Variants in APLF observed in about 807,000 individuals in gnomAD.
APLF encodes aprataxin and PNK-like factor.
APLF carries 61 observed loss-of-function variants against 55.6 expected under a neutral mutation model. The ratio of observed to expected loss-of-function variants is 1.10; its 90% CI spans 0.89 to 1.36. The LOEUF is 1.36. Ranked by LOEUF, APLF falls within the 40% of genes most tolerant of loss-of-function variation. The probability of loss-of-function intolerance (pLI) is 0.00; values close to 1 mark genes in which losing one functional copy is unlikely to be tolerated. For missense variants in APLF, 611 were observed against 602.5 expected (o/e 1.01, Z -0.15); for synonymous variants, 207 against 214.8 (o/e 0.96, Z 0.32).
chr2:68,484,959 T>C (rs1217143150), intron 1 of APLF, among the ~76,000 whole-genome samples: 3 of 148,738 alleles, frequency 2.0e-5, no homozygotes, highest in African/African-American at 7.9e-5. Context: ...TCTTCTGTAA[T>C]ATGCCTGTGT....
intron 1 of APLF, among the ~76,000 whole-genome samples, chr2:68,468,828 C>T (rs1675518361): frequency 6.6e-6 from 1 of 152,172 alleles, no homozygotes; most frequent in South Asian, 2.1e-4. Context: ...GGGGAGACAC[C>T]TGTGTCAGTG....
intron 3 of APLF, among the ~76,000 whole-genome samples, chr2:68,503,627 G>C (rs1676789468): frequency 6.6e-6 from 1 of 152,114 alleles, no homozygotes; most frequent in African/African-American, 2.4e-5. Flanking sequence ...GGGTCAAAGA[G>C]AAGTCATAGG....
chr2:68,501,059 T>C (rs1054217193), intron 2 of APLF, among the ~76,000 whole-genome samples: 4 of 152,254 alleles, frequency 2.6e-5, no homozygotes, highest in African/African-American at 9.6e-5. Context: ...TCCATTCTTA[T>C]GCAATCTTGT....
chr2:68,542,898 G>A (rs1670596084), intron 7 of APLF, among the ~76,000 whole-genome samples: 2 of 152,144 alleles, frequency 1.3e-5, no homozygotes, highest in Non-Finnish European at 2.9e-5. Context: ...GAACCCACAT[G>A]TCCATCAATT....
rs1427122862 is a variant in APLF, at chr2:68,502,823, C to G, written c.261C>G (p.Asp87Glu). The change falls in exon 3 of 10, where the codon GAC becomes GAG. Residue 87 changes from aspartate (D) to glutamate (E), a missense_variant. Coordinates refer to ENST00000303795, the MANE Select transcript of APLF (RefSeq NM_173545.3). Reference sequence around the variant, plus strand: ...TATGGTGCTATTTGAATCCTGGAGACAGCTTTTCTTTGTTAGTTGACAAAT... The same window carrying G: ...TATGGTGCTATTTGAATCCTGGAGAGAGCTTTTCTTTGTTAGTTGACAAAT... Reference protein sequence around the residue: ...PNLWCYLNPGDSFSLLVDKYI... With the variant: ...PNLWCYLNPGESFSLLVDKYI... 6.2e-7 allele frequency: 1 copy of G among 1,607,470 alleles called. No individual in the cohort carries two copies. Among genetic ancestry groups the G allele is most frequent in the Non-Finnish European group, 8.5e-7 (1 of 1,177,770 alleles).
chr2:68,488,528 G>A (rs1219858792), intron 1 of APLF, among the ~76,000 whole-genome samples: 1 of 151,682 alleles, frequency 6.6e-6, no homozygotes, highest in Admixed American at 6.6e-5. Context: ...AGAGATGGGG[G>A]TCTCACTGTG....
chr2:68,528,805 G>T, intron 6 of APLF: 1 of 1,485,742 alleles, frequency 6.7e-7, no homozygotes, highest in Non-Finnish European at 9.1e-7. Flanking sequence ...TGTCAGTCTG[G>T]TTGTTTTCTG....
chr2:68,526,940 T>C (rs1670076459), intron 6 of APLF, among the ~76,000 whole-genome samples: 1 of 152,202 alleles, frequency 6.6e-6, no homozygotes, highest in East Asian at 1.9e-4. Context: ...AAGTAAACTT[T>C]AATGTCGAAA....
chr2:68,522,893 G>A lies in APLF; in HGVS notation c.623-3168G>A, dbSNP rs11885099. 4.5e-3 allele frequency among the ~76,000 whole-genome samples: 679 copies of A among 151,862 alleles called. 6 individuals are homozygous for A. Among genetic ancestry groups the A allele is most frequent in the African/African-American group, 0.015 (643 of 41,484 alleles). ...GTCTTAATATAAAAATTAAAACAAG[G>A]CATTTGAAGAAAGTATGGGAAAAAT... On this transcript the variant is annotated intron_variant, in intron 5 of 9. Transcript: ENST00000303795.
intron 1 of APLF, among the ~76,000 whole-genome samples, chr2:68,468,735 A>G (rs1200169734): frequency 6.6e-6 from 1 of 151,958 alleles, no homozygotes; most frequent in Non-Finnish European, 1.5e-5. Context: ...TGTGTAGAAC[A>G]TTTTGCAGAT....
At chr2:68,496,519 A>G (rs886372372) in intron 2 of APLF, among the ~76,000 whole-genome samples, 3 of 152,094 alleles carry the variant, frequency 2.0e-5, no homozygotes, top group Non-Finnish European at 4.4e-5. Context: ...TAGGCTACAA[A>G]TTTATCAAGC....
intron 2 of APLF, among the ~76,000 whole-genome samples, chr2:68,496,366 A>G (rs1035291774): frequency 6.6e-6 from 1 of 152,112 alleles, no homozygotes; most frequent in Admixed American, 6.5e-5. Flanking sequence ...CAGCCTCCCA[A>G]AGTACTGGGA....
At chr2:68,568,425 C>T in intron 9 of APLF, 2 of 508,198 alleles carry the variant, frequency 3.9e-6, no homozygotes, top group Non-Finnish European at 5.1e-6. Context: ...CACTTTAGTG[C>T]TTTAGTACTC....
At chr2:68,564,494 T>TA (rs140840521) in intron 8 of APLF, among the ~76,000 whole-genome samples, 1 of 152,216 alleles carries the variant, frequency 6.6e-6, no homozygotes, top group East Asian at 1.9e-4. Flanking sequence ...GCCTGGCATG[T>TA]AATAAGTATT....
intron 9 of APLF, among the ~76,000 whole-genome samples, chr2:68,573,338 A>T (rs1671535195): frequency 6.6e-6 from 1 of 152,154 alleles, no homozygotes; most frequent in Non-Finnish European, 1.5e-5. Flanking sequence ...CTGGAGTTAG[A>T]AATATCTTTG....
intron 1 of APLF, among the ~76,000 whole-genome samples, chr2:68,470,485 C>T (rs1229535437): frequency 6.6e-6 from 1 of 152,082 alleles, no homozygotes; most frequent in Non-Finnish European, 1.5e-5. Context: ...ATAAATGGTA[C>T]AAGAGATATT....
At position 68,513,655 on chromosome 2, in the gene APLF, C is replaced by G; in HGVS notation, c.597C>G (p.Asn199Lys). Residue 199 changes from asparagine to lysine, a missense_variant, in exon 5 of 10, where the codon AAC (asparagine) becomes AAG (lysine). Physicochemically the swap from Asn to Lys is moderately conservative, Grantham distance 94. Transcript: ENST00000303795. ...WMLAEHLSDQNLSVPAISGGN... is the reference protein window; with the variant it reads ...WMLAEHLSDQKLSVPAISGGN... Reference sequence around the variant, plus strand: ...TAGCAGAACATTTAAGTGATCAAAACCTTTCAGTACCAGCAATCAGTGGAG... The same window carrying G: ...TAGCAGAACATTTAAGTGATCAAAAGCTTTCAGTACCAGCAATCAGTGGAG... 2 of 1,611,136 alleles carry G rather than the reference C, an allele frequency of 1.2e-6. No homozygotes were observed. The highest frequency in any genetic ancestry group is 1.7e-6 in the Non-Finnish European group (2 of 1,178,068).
At chr2:68,479,762 A>G (rs1573150667) in intron 1 of APLF, among the ~76,000 whole-genome samples, 1 of 152,190 alleles carries the variant, frequency 6.6e-6, no homozygotes, top group Admixed American at 6.5e-5. Context: ...ATGTATTTTC[A>G]TAAAGTTACA....
intron 6 of APLF, among the ~76,000 whole-genome samples, chr2:68,533,793 G>A (rs1670320985): frequency 6.6e-6 from 1 of 152,182 alleles, no homozygotes; most frequent in Admixed American, 6.5e-5. Flanking sequence ...ATCTTTTAAG[G>A]CCTAGAACTG....
Sources: gnomAD v4.1 joint callset for allele counts (sites outside exome capture counted in the v4.1 genomes callset) on GRCh38, gnomAD v4.1.1 for gene constraint, MANE v1.5 for transcripts, NCBI Gene and HGNC (gene_info 2026-07-23, HGNC 2026-07-21) for gene names.